Variants in TYW1B observed in about 807,000 individuals in gnomAD.
TYW1B encodes tRNA-yW synthesizing protein 1 homolog B, also known as S-adenosyl-L-methionine-dependent tRNA 4-demethylwyosine synthase TYW1B.
Under a neutral mutation model 86.9 loss-of-function variants are expected in TYW1B, and 73 were observed. The ratio of observed to expected loss-of-function variants is 0.84; its 90% CI spans 0.70 to 1.02. TYW1B has a LOEUF of 1.02. TYW1B is among the 50% of genes least tolerant of loss of function. TYW1B has a pLI of 0.00. For missense variants in TYW1B, 637 were observed against 827.4 expected, an observed-to-expected ratio of 0.77 and a Z score of 2.82; for synonymous variants, 248 against 292.8, an observed-to-expected ratio of 0.85 and a Z score of 1.56.
At chr7:72,609,986 T>C (rs1161062435) in intron 13 of TYW1B, among the ~76,000 whole-genome samples, 1 of 152,188 alleles carries the variant, frequency 6.6e-6, no homozygotes, top group Non-Finnish European at 1.5e-5. Context: ...GTATCTTGAA[T>C]TTTAAAGAGG....
At chr7:72,772,715 T>C (rs1318274452) in intron 7 of TYW1B, among the ~76,000 whole-genome samples, 1 of 152,168 alleles carries the variant, frequency 6.6e-6, no homozygotes, top group Non-Finnish European at 1.5e-5. Flanking sequence ...CTTCAGGTAA[T>C]AAGCCACAAT....
intron 7 of TYW1B, among the ~76,000 whole-genome samples, chr7:72,752,378 C>T (rs961958736): frequency 2.0e-5 from 3 of 152,058 alleles, no homozygotes; most frequent in Admixed American, 2.0e-4. Context: ...ACAAAACATT[C>T]TGTATTAAGG....
At chr7:72,617,784 C>T (rs1812113476) in intron 12 of TYW1B, among the ~76,000 whole-genome samples, 1 of 152,182 alleles carries the variant, frequency 6.6e-6, no homozygotes, top group Non-Finnish European at 1.5e-5. Flanking sequence ...CACACAACTA[C>T]ATATACACAT....
intron 11 of TYW1B, among the ~76,000 whole-genome samples, chr7:72,664,252 CT>C (rs782618489): frequency 1.3e-4 from 20 of 149,556 alleles, no homozygotes; most frequent in African/African-American, 2.7e-4. Context: ...ATTTGGGTTT[CT>C]TTTTTTTTTC....
rs554324866 is a variant in TYW1B at position 72,734,980 on chromosome 7, G to A, written c.1083-6049C>T. Among the ~76,000 whole-genome samples, 478 of 152,258 alleles carry A rather than the reference G, an allele frequency of 3.1e-3. 1 individual carries two copies. Among genetic ancestry groups the A allele is most frequent in the African/African-American group, 0.011 (444 of 41,560 alleles). On this transcript the variant is annotated intron_variant, in intron 8 of 13. Transcript: ENST00000620995. ...AAATGCTGACAAGGATGTGGAGAAA[G>A]GGAACTCTTATACACTGTTGCTGGC... is the stretch of plus-strand genomic sequence containing the variant.
rs1193975113 is a variant in TYW1B, at chr7:72,795,412, T to C, written c.846+6988A>G. The stretch of plus-strand genomic sequence containing the variant: ...CATGTTTTTTTGTTGTTATTGTTTA[T>C]GATATTGACATTTACAAAGTCTAAA... On this transcript the variant is annotated intron_variant, in intron 6 of 13. Transcript: ENST00000620995. 2.0e-5 allele frequency among the ~76,000 whole-genome samples: 3 copies of C among 151,878 alleles called. No homozygotes were observed. The South Asian group carries it at 6.2e-4, about 32-fold the overall frequency.
chr7:72,751,637 G>A (rs1208008441), intron 7 of TYW1B, among the ~76,000 whole-genome samples: 2 of 152,106 alleles, frequency 1.3e-5, no homozygotes, highest in East Asian at 3.8e-4. Context: ...TTTATCTGGT[G>A]TTGCTGTCAG....
chr7:72,737,754 C>A (rs1554461202), intron 8 of TYW1B, among the ~76,000 whole-genome samples: 1 of 151,434 alleles, frequency 6.6e-6, no homozygotes, highest in East Asian at 1.9e-4. Flanking sequence ...ATACTCTATT[C>A]CTAAAAAGTG....
chr7:72,620,195 G>A (rs1274543229), intron 12 of TYW1B, among the ~76,000 whole-genome samples: 2 of 152,082 alleles, frequency 1.3e-5, no homozygotes, highest in African/African-American at 4.8e-5. Flanking sequence ...TCAGGAATTC[G>A]AGACCAGCCT....
At chr7:72,812,563 C>T (rs1378940935) in intron 3 of TYW1B, among the ~76,000 whole-genome samples, 2 of 152,254 alleles carry the variant, frequency 1.3e-5, no homozygotes, top group Admixed American at 6.6e-5. Context: ...AGAGCACATT[C>T]AAGCTCACTC....
chr7:72,689,910 T>C (rs1304875998), intron 11 of TYW1B, among the ~76,000 whole-genome samples: 3 of 152,190 alleles, frequency 2.0e-5, no homozygotes, highest in Non-Finnish European at 4.4e-5. Flanking sequence ...ATTTGCAAAT[T>C]GTGGGCCACA....
At chr7:72,816,611 T>G (rs1322909325) in intron 2 of TYW1B, among the ~76,000 whole-genome samples, 2 of 152,112 alleles carry the variant, frequency 1.3e-5, no homozygotes, top group Non-Finnish European at 2.9e-5. Flanking sequence ...GGACAGAGGC[T>G]CATTGCCAGA....
intron 13 of TYW1B, among the ~76,000 whole-genome samples, chr7:72,615,361 T>A (rs191270291): frequency 6.6e-6 from 1 of 152,236 alleles, no homozygotes; most frequent in Non-Finnish European, 1.5e-5. Flanking sequence ...GAGAAGGCTG[T>A]GATTCCAGTT....
intron 11 of TYW1B, among the ~76,000 whole-genome samples, chr7:72,637,691 TAA>T (rs782101283): frequency 1.5e-4 from 22 of 144,000 alleles, no homozygotes; most frequent in African/African-American, 4.8e-4. Context: ...CTTTTCTTTT[TAA>T]AAAAAAAAAA....
intron 6 of TYW1B, among the ~76,000 whole-genome samples, chr7:72,794,124 G>A (rs532495919): frequency 3.9e-5 from 6 of 152,304 alleles, no homozygotes; most frequent in South Asian, 4.1e-4. Context: ...GAACTCAGGC[G>A]TGTTCCCCTG....
At chr7:72,653,267 G>A (rs1188932746) in intron 11 of TYW1B, among the ~76,000 whole-genome samples, 5 of 152,114 alleles carry the variant, frequency 3.3e-5, no homozygotes, top group East Asian at 1.9e-4. Context: ...ACTTCTAGCC[G>A]GGCTAATCAA....
At chr7:72,661,610 C>T in intron 11 of TYW1B, among the ~76,000 whole-genome samples, 1 of 146,654 alleles carries the variant, frequency 6.8e-6, no homozygotes, top group Non-Finnish European at 1.5e-5. Context: ...ACATTATTTC[C>T]TTGGTCCTTT....
At chr7:72,635,818 C>A (rs1812653333) in intron 11 of TYW1B, among the ~76,000 whole-genome samples, 1 of 152,174 alleles carries the variant, frequency 6.6e-6, no homozygotes, top group Admixed American at 6.6e-5. Context: ...TCAAAATTAT[C>A]AACTCAAGAA....
chr7:72,750,349 G>A (rs891127269), intron 7 of TYW1B, among the ~76,000 whole-genome samples: 6 of 152,022 alleles, frequency 3.9e-5, no homozygotes, highest in African/African-American at 9.7e-5. Flanking sequence ...CTCAAAGTTC[G>A]TCGTTCTTTT....
Sources: allele counts gnomAD v4.1 joint callset (sites outside exome capture counted in the v4.1 genomes callset), GRCh38; gene constraint gnomAD v4.1.1; transcripts MANE v1.5; gene names NCBI Gene and HGNC (gene_info 2026-07-23, HGNC 2026-07-21).